KDM4C: variants seen among roughly 807,000 people sequenced by gnomAD.
KDM4C encodes lysine-specific demethylase 4C.
Under a neutral mutation model 129.3 loss-of-function variants are expected in KDM4C, and 81 were observed. That is an observed-to-expected ratio of 0.63 (90% CI 0.52 to 0.75). The LOEUF is 0.75. Ranked by LOEUF, KDM4C falls within the 30% of genes least tolerant of loss-of-function variation. The pLI, the probability that KDM4C is intolerant of heterozygous loss-of-function variation, is 0.00. For synonymous variants in KDM4C, 573 were observed against 456.1 expected (o/e 1.26, Z -3.26); for missense variants, 1,457 against 1,304.0 (o/e 1.12, Z -1.81).
intron 4 of KDM4C, among the ~76,000 whole-genome samples, chr9:6,820,587 T>C (rs983384217): frequency 6.6e-6 from 1 of 152,020 alleles, no homozygotes; most frequent in Non-Finnish European, 1.5e-5. Context: ...TTCATCCAGC[T>C]GGGATATAGC....
chr9:6,793,394 G>C (rs1267847328), intron 2 of KDM4C, among the ~76,000 whole-genome samples: 2 of 151,696 alleles, frequency 1.3e-5, no homozygotes, highest in African/African-American at 2.4e-5. Context: ...GGAAACCAAG[G>C]AGATCCATGT....
At chr9:6,737,075 G>A (rs866617419) in intron 1 of KDM4C, among the ~76,000 whole-genome samples, 1,467 of 125,158 alleles carry the variant, frequency 0.012, 30 homozygotes, top group African/African-American at 0.041. Flanking sequence ...AAAAAAAAAA[G>A]TTTTTCAGTC....
chr9:6,755,595 T>C (rs1818221167), upstream of KDM4C, among the ~76,000 whole-genome samples: 1 of 152,330 alleles, frequency 6.6e-6, no homozygotes, highest in African/African-American at 2.4e-5. Flanking sequence ...GTATTGTCTC[T>C]GAGGTGATCT....
chr9:7,040,022 A>C lies in KDM4C; in HGVS notation c.2260-6840A>C, dbSNP rs1022844363. 4.6e-5 allele frequency among the ~76,000 whole-genome samples: 7 copies of C among 152,224 alleles called. No homozygotes were observed. In the East Asian group the frequency reaches 1.2e-3, roughly 25 times the overall value. On this transcript the variant is annotated intron_variant, in intron 15 of 21. Coordinates refer to ENST00000381309, the MANE Select transcript of KDM4C (RefSeq NM_015061.6). The stretch of plus-strand genomic sequence containing the variant: ...TTGATTGTGAGCTTATGTTTCTTAG[A>C]ATTCAATACTGGGAAATTTTTAGAG...
intron 4 of KDM4C, among the ~76,000 whole-genome samples, chr9:6,825,822 C>T (rs901411029): frequency 6.6e-6 from 1 of 152,042 alleles, no homozygotes; most frequent in Admixed American, 6.6e-5. Flanking sequence ...ATTTCTCTGT[C>T]TCTCTTAAGA....
At chr9:7,071,977 C>A (rs769386606) in intron 17 of KDM4C, among the ~76,000 whole-genome samples, 4 of 152,024 alleles carry the variant, frequency 2.6e-5, no homozygotes, top group African/African-American at 4.8e-5. Flanking sequence ...AATAAAAGAA[C>A]CTTATAAAAA....
At chr9:6,892,163 G>A (rs866384876) in intron 7 of KDM4C, among the ~76,000 whole-genome samples, 93 of 152,136 alleles carry the variant, frequency 6.1e-4, no homozygotes, top group African/African-American at 2.1e-3. Context: ...TTACTTTGCA[G>A]CAACTGAAAG....
At chr9:7,122,260 C>CACACACAA (rs1554751952) in intron 18 of KDM4C, among the ~76,000 whole-genome samples, 2 of 134,982 alleles carry the variant, frequency 1.5e-5, no homozygotes, top group Admixed American at 1.5e-4. Flanking sequence ...CACACACACA[C>CACACACAA]ACACACTCTC....
intron 18 of KDM4C, among the ~76,000 whole-genome samples, chr9:7,117,368 T>C (rs949188189): frequency 5.3e-5 from 8 of 152,162 alleles, no homozygotes; most frequent in African/African-American, 1.4e-4. Flanking sequence ...CCAACTGTAA[T>C]TGAGAGTCAG....
intron 1 of KDM4C, among the ~76,000 whole-genome samples, chr9:6,765,122 C>CTAT (rs1820359749): frequency 6.6e-6 from 1 of 152,154 alleles, no homozygotes; most frequent in Non-Finnish European, 1.5e-5. Context: ...TCTTTAAGGC[C>CTAT]TATTGCCTTA....
chr9:6,787,319 G>A (rs1262397506), intron 1 of KDM4C, among the ~76,000 whole-genome samples: 1 of 152,138 alleles, frequency 6.6e-6, no homozygotes, highest in African/African-American at 2.4e-5. Flanking sequence ...TGCAACCTCC[G>A]CCCCCGGGGT....
At chr9:6,751,869 T>C (rs549567554) in intron 1 of KDM4C, among the ~76,000 whole-genome samples, 43 of 152,180 alleles carry the variant, frequency 2.8e-4, no homozygotes, top group African/African-American at 1.0e-3. Context: ...GAAAGGGAAA[T>C]ATTAAAATCA....
chr9:6,822,696 A>C lies in KDM4C; in HGVS notation c.435+7951A>C, dbSNP rs138109883. On this transcript the variant is annotated intron_variant, in intron 4 of 21. Transcript: ENST00000381309. The stretch of plus-strand genomic sequence containing the variant: ...AAATACTCAGCCTTCTGTTAGACGC[A>C]GCACAGGAGTTTCTTCGGGAAACAA... 5.6e-3 allele frequency among the ~76,000 whole-genome samples: 848 copies of C among 152,336 alleles called. 10 individuals carry two copies. The highest frequency in any genetic ancestry group is 0.019 in the African/African-American group (810 of 41,574).
At chr9:7,072,926 TTGACTGTGGAAA>T (rs1554726239) in intron 17 of KDM4C, among the ~76,000 whole-genome samples, 1 of 152,144 alleles carries the variant, frequency 6.6e-6, no homozygotes, top group Non-Finnish European at 1.5e-5. Context: ...TGTTAGTAGA[TTGACTGTGGAAA>T]TGACTGATAC....
At chr9:6,874,030 T>G (rs767194947) in intron 5 of KDM4C, among the ~76,000 whole-genome samples, 3 of 152,048 alleles carry the variant, frequency 2.0e-5, no homozygotes, top group African/African-American at 7.2e-5. Flanking sequence ...CACGCTCTTA[T>G]GTGGGCATGG....
intron 12 of KDM4C, among the ~76,000 whole-genome samples, chr9:6,992,359 TTGA>T (rs1269259158): frequency 4.6e-5 from 7 of 152,194 alleles, no homozygotes; most frequent in African/African-American, 1.7e-4. Flanking sequence ...ATGGATTGGT[TTGA>T]TGAAGTCGTC....
At chr9:7,121,968 G>T (rs1029820882) in intron 18 of KDM4C, among the ~76,000 whole-genome samples, 41 of 151,924 alleles carry the variant, frequency 2.7e-4, no homozygotes, top group Non-Finnish European at 1.0e-4. Flanking sequence ...TTTCTGGTTG[G>T]TTTTATTTCC....
At chr9:7,021,144 A>G (rs36050547) in intron 15 of KDM4C, among the ~76,000 whole-genome samples, 11,916 of 70,074 alleles carry the variant, frequency 0.17, 798 homozygotes, top group African/African-American at 0.3. Flanking sequence ...GTGTGTGTAT[A>G]TATATATATG....
chr9:6,968,081 C>T (rs534684240), intron 8 of KDM4C, among the ~76,000 whole-genome samples: 25 of 152,220 alleles, frequency 1.6e-4, no homozygotes, highest in African/African-American at 5.3e-4. Context: ...TCACTATCAG[C>T]GTGAATTTTT....
Sources: gnomAD v4.1 joint callset for allele counts (sites outside exome capture counted in the v4.1 genomes callset) on GRCh38, gnomAD v4.1.1 for gene constraint, MANE v1.5 for transcripts, NCBI Gene and HGNC (gene_info 2026-07-23, HGNC 2026-07-21) for gene names.